ARHGEF7: variants seen among roughly 807,000 people sequenced by gnomAD.
ARHGEF7 encodes the protein Rho guanine nucleotide exchange factor 7.
ARHGEF7 carries 33 observed loss-of-function variants against 109.8 expected under a neutral mutation model. The ratio of observed to expected loss-of-function variants is 0.30; its 90% CI spans 0.23 to 0.40. ARHGEF7 has a LOEUF of 0.40. Among genes scored for constraint, ARHGEF7 ranks in the 10% least tolerant of loss-of-function variants. The probability of loss-of-function intolerance (pLI) is 1.00; values close to 1 mark genes in which losing one functional copy is unlikely to be tolerated. For synonymous variants in ARHGEF7, 458 were observed against 424.6 expected (o/e 1.08, Z -0.97); for missense variants, 938 against 1,098.5 (o/e 0.85, Z 2.07).
intron 2 of ARHGEF7, among the ~76,000 whole-genome samples, chr13:111,161,541 G>A (rs943124962): frequency 6.6e-6 from 1 of 152,166 alleles, no homozygotes; most frequent in African/African-American, 2.4e-5. Context: ...AGGTGCCAAA[G>A]AGACAATAGC....
intron 2 of ARHGEF7, among the ~76,000 whole-genome samples, chr13:111,181,030 G>C (rs2078682402): frequency 2.6e-5 from 4 of 152,154 alleles, no homozygotes. Context: ...AAAATAAATT[G>C]GAGCAGGTGA....
At chr13:111,201,268 A>G (rs575664227) in intron 2 of ARHGEF7, among the ~76,000 whole-genome samples, 4 of 152,268 alleles carry the variant, frequency 2.6e-5, no homozygotes, top group East Asian at 3.9e-4. Context: ...TAGCCATTCT[A>G]TTTTATGCCC....
chr13:111,277,192 G>C (rs1021781799), intron 12 of ARHGEF7, among the ~76,000 whole-genome samples: 7 of 152,146 alleles, frequency 4.6e-5, no homozygotes, highest in Non-Finnish European at 1.0e-4. Context: ...CTCTGAACCA[G>C]AAAAAGAAAA....
At chr13:111,177,392 A>G (rs1351473006) in intron 2 of ARHGEF7, among the ~76,000 whole-genome samples, 1 of 152,140 alleles carries the variant, frequency 6.6e-6, no homozygotes. Context: ...GTCAAGGCCC[A>G]TTGGTCATTC....
At chr13:111,152,176 GAAAGAATT>G in intron 1 of ARHGEF7, among the ~76,000 whole-genome samples, 1 of 144,140 alleles carries the variant, frequency 6.9e-6, no homozygotes, top group East Asian at 3.3e-4. Flanking sequence ...AATTAAAGGA[GAAAGAATT>G]AATGTCTGAC....
At chr13:111,184,707 C>T (rs1246156553) in intron 2 of ARHGEF7, among the ~76,000 whole-genome samples, 1 of 152,176 alleles carries the variant, frequency 6.6e-6, no homozygotes, top group East Asian at 1.9e-4. Flanking sequence ...CTGTTATTTC[C>T]TATCAGGTGT....
At chr13:111,121,387 CTG>C (rs1431657292) in intron 1 of ARHGEF7, among the ~76,000 whole-genome samples, 2 of 152,212 alleles carry the variant, frequency 1.3e-5, no homozygotes, top group Admixed American at 6.5e-5. Flanking sequence ...AGATTTCAAA[CTG>C]TGTGCATCTA....
At chr13:111,279,779 C>T (rs1330218849) in intron 13 of ARHGEF7, among the ~76,000 whole-genome samples, 1 of 152,216 alleles carries the variant, frequency 6.6e-6, no homozygotes, top group Non-Finnish European at 1.5e-5. Context: ...AGCACAACTA[C>T]TTATTTTCTG....
At chr13:111,226,515 C>A (rs2085232652) in intron 5 of ARHGEF7, among the ~76,000 whole-genome samples, 1 of 152,186 alleles carries the variant, frequency 6.6e-6, no homozygotes, top group African/African-American at 2.4e-5. Flanking sequence ...TAAGTTAGAA[C>A]AACAAAGCCT....
At chr13:111,126,217 G>A (rs540487892) in intron 1 of ARHGEF7, among the ~76,000 whole-genome samples, 45 of 152,332 alleles carry the variant, frequency 3.0e-4, no homozygotes, top group Admixed American at 7.8e-4. Flanking sequence ...AAGGCTGGGC[G>A]CGGTGGCTCA....
intron 2 of ARHGEF7, among the ~76,000 whole-genome samples, chr13:111,193,816 C>T (rs531686632): frequency 4.1e-4 from 62 of 152,284 alleles, no homozygotes; most frequent in Non-Finnish European, 6.6e-4. Context: ...GAGATCATCT[C>T]GGGCAGCATA....
chr13:111,226,305 C>T (rs538992839), intron 5 of ARHGEF7, among the ~76,000 whole-genome samples: 6 of 152,344 alleles, frequency 3.9e-5, no homozygotes, highest in Admixed American at 2.0e-4. Context: ...TGAAGCAGCA[C>T]GTGCTGACGG....
Position 111,147,295 on chromosome 13 carries a change from C to T in ARHGEF7, c.166-6610C>T, listed in dbSNP as rs191569721. Reference sequence around the variant, plus strand: ...GCCAGTTTTCTAAGCATACCATTTACACTCCCATTAGTCGTGTCTGGGAAT... The same window carrying T: ...GCCAGTTTTCTAAGCATACCATTTATACTCCCATTAGTCGTGTCTGGGAAT... On this transcript the variant is annotated intron_variant, in intron 1 of 21. Transcript: ENST00000646102. Among the ~76,000 whole-genome samples, 63 of 152,338 alleles carry T rather than the reference C, an allele frequency of 4.1e-4. 1 individual carries two copies. In the East Asian group the frequency reaches 0.011, roughly 26 times the overall value.
intron 1 of ARHGEF7, among the ~76,000 whole-genome samples, chr13:111,123,829 C>G (rs2067356917): frequency 6.8e-6 from 1 of 146,078 alleles, no homozygotes; most frequent in African/African-American, 2.5e-5. Context: ...TCCAGAGCGG[C>G]TGGTAACTGG....
intron 2 of ARHGEF7, among the ~76,000 whole-genome samples, chr13:111,177,927 G>C (rs770001451): frequency 1.3e-5 from 2 of 152,142 alleles, no homozygotes; most frequent in Non-Finnish European, 2.9e-5. Context: ...AGTGAAGCTT[G>C]AACTCGCACG....
At chr13:111,183,413 C>T (rs368750342) in intron 2 of ARHGEF7, among the ~76,000 whole-genome samples, 2 of 151,768 alleles carry the variant, frequency 1.3e-5, no homozygotes, top group African/African-American at 2.4e-5. Context: ...CTATTTCTCT[C>T]AGAAGCTGTC....
At chr13:111,290,763 A>C (rs556291367) in intron 18 of ARHGEF7, among the ~76,000 whole-genome samples, 1 of 152,378 alleles carries the variant, frequency 6.6e-6, no homozygotes, top group African/African-American at 2.4e-5. Context: ...TATTATGGGC[A>C]AACCACTCTG....
At chr13:111,165,732 C>G (rs559901662) in intron 2 of ARHGEF7, among the ~76,000 whole-genome samples, 1 of 152,236 alleles carries the variant, frequency 6.6e-6, no homozygotes, top group East Asian at 1.9e-4. Flanking sequence ...CTCCTGAGTT[C>G]GTGGCACAAG....
Position 111,266,811 on chromosome 13 carries a change from G to C in ARHGEF7, c.951-737G>C. 2.2e-6 allele frequency: 1 copy of C among 455,980 alleles called. No individual in the cohort carries two copies. Among genetic ancestry groups the C allele is most frequent in the Non-Finnish European group, 4.4e-6 (1 of 226,788 alleles). The allele number at this position is 455,980 out of a possible 1,614,324, so 28.2% of individuals were successfully genotyped here. The stretch of plus-strand genomic sequence containing the variant: ...AGGGAAGGTGGTAAGAGTTCACGTG[G>C]TTCTCCTGTTTTCAGCACACGTGCC... On this transcript the variant is annotated intron_variant, in intron 8 of 21. Transcript: ENST00000646102. The surrounding 1 kb of genome is among the most constrained non-coding windows in gnomAD (Gnocchi z 4.8).
Sources: gnomAD v4.1 joint callset for allele counts (sites outside exome capture counted in the v4.1 genomes callset) on GRCh38, gnomAD v4.1.1 for gene constraint, Gnocchi (gnomAD v3.1) non-coding constraint, MANE v1.5 for transcripts, NCBI Gene and HGNC (gene_info 2026-07-23, HGNC 2026-07-21) for gene names.